Variants in LAMP5 observed in about 807,000 individuals in gnomAD.
LAMP5 encodes lysosome associated membrane protein 5.
Under a neutral mutation model 30.2 loss-of-function variants are expected in LAMP5, and 36 were observed. The ratio of observed to expected loss-of-function variants is 1.19; its 90% CI spans 0.91 to 1.57. The LOEUF is 1.57. LAMP5 is among the 40% of genes most tolerant of loss of function. The pLI is 0.00. For missense variants in LAMP5, 377 were observed against 354.9 expected, an observed-to-expected ratio of 1.06 and a Z score of -0.50; for synonymous variants, 149 against 134.6, an observed-to-expected ratio of 1.11 and a Z score of -0.74.
chr20:9,518,512 CCTT>C (rs1199895221), intron 5 of LAMP5, among the ~76,000 whole-genome samples: 5 of 152,196 alleles, frequency 3.3e-5, no homozygotes, highest in African/African-American at 1.2e-4. Context: ...CTTTTCTTTA[CCTT>C]CTTCCCTCCC....
chr20:9,516,962 C>T (rs1292715180), intron 4 of LAMP5, among the ~76,000 whole-genome samples: 1 of 152,144 alleles, frequency 6.6e-6, no homozygotes, highest in Non-Finnish European at 1.5e-5. Context: ...CGTTCATCCC[C>T]CAAATAACAA....
chr20:9,520,242 G>A (rs559785020), intron 5 of LAMP5, among the ~76,000 whole-genome samples: 1 of 152,212 alleles, frequency 6.6e-6, no homozygotes, highest in African/African-American at 2.4e-5. Flanking sequence ...CCAGGCTTAC[G>A]CCTTGACATT....
chr20:9,524,183 C>A (rs1052179597), intron 5 of LAMP5, among the ~76,000 whole-genome samples: 38 of 152,244 alleles, frequency 2.5e-4, no homozygotes, highest in Middle Eastern at 3.4e-3. Flanking sequence ...ATCTGAAATT[C>A]TTTTAAAAAT....
At chr20:9,522,757 C>A (rs944314743) in intron 5 of LAMP5, among the ~76,000 whole-genome samples, 2 of 152,104 alleles carry the variant, frequency 1.3e-5, no homozygotes, top group African/African-American at 4.8e-5. Flanking sequence ...TAGTCAAAAC[C>A]TGTTGGGATA....
chr20:9,519,323 A>G (rs1375303788), intron 5 of LAMP5, among the ~76,000 whole-genome samples: 1 of 152,172 alleles, frequency 6.6e-6, no homozygotes, highest in African/African-American at 2.4e-5. Context: ...GAGAATCTCC[A>G]CCTTTGTCAT....
chr20:9,527,994 A>T (rs1220986779), intron 5 of LAMP5, among the ~76,000 whole-genome samples: 2 of 152,214 alleles, frequency 1.3e-5, no homozygotes, highest in Non-Finnish European at 2.9e-5. Context: ...CATATATTAC[A>T]TGCACCCTTA....
At chr20:9,526,212 G>A (rs893643622) in intron 5 of LAMP5, among the ~76,000 whole-genome samples, 1 of 152,122 alleles carries the variant, frequency 6.6e-6, no homozygotes, top group Non-Finnish European at 1.5e-5. Flanking sequence ...GTTTAACACA[G>A]ACTTAGCCTT....
At chr20:9,522,859 GA>G (rs1184621451) in intron 5 of LAMP5, among the ~76,000 whole-genome samples, 2 of 151,768 alleles carry the variant, frequency 1.3e-5, no homozygotes, top group African/African-American at 4.8e-5. Context: ...CTGCCACACT[GA>G]AACTTTCAGT....
chr20:9,529,363 ACT>A (rs1410895209), intron 5 of LAMP5, among the ~76,000 whole-genome samples: 1 of 152,204 alleles, frequency 6.6e-6, no homozygotes, highest in Non-Finnish European at 1.5e-5. Context: ...TAATGGTGAA[ACT>A]CTGAACATTT....
At chr20:9,528,345 A>G (rs1170667588) in intron 5 of LAMP5, among the ~76,000 whole-genome samples, 3 of 151,302 alleles carry the variant, frequency 2.0e-5, no homozygotes, top group African/African-American at 7.3e-5. Flanking sequence ...TGTGTTGGGG[A>G]GAGTGGACTA....
chr20:9,517,963 A>G, intron 4 of LAMP5, 77 bp from the exon 5 acceptor site: 2 of 1,322,678 alleles, frequency 1.5e-6, no homozygotes, highest in Non-Finnish European at 2.1e-6. Context: ...TGGAACTGAG[A>G]GGCAATAGCC....
chr20:9,515,790 C>T (rs1227865548), intron 2 of LAMP5, among the ~76,000 whole-genome samples, 165 bp downstream of exon 2: 1 of 152,220 alleles, frequency 6.6e-6, no homozygotes, highest in Non-Finnish European at 1.5e-5. Context: ...GCCTTCTGTT[C>T]CCCTGCCTGC....
chr20:9,514,949 C>A, intron 1 of LAMP5, 33 bp downstream of exon 1: 1 of 1,594,120 alleles, frequency 6.3e-7, no homozygotes, highest in Non-Finnish European at 8.6e-7. Flanking sequence ...GGAGAGAGGA[C>A]GGGCACTCTT....
In LAMP5 at chr20:9,514,870, A is replaced by T; in HGVS notation, c.18A>T (p.Arg6Ser). The change falls in exon 1 of 6, where the codon AGA (arginine) becomes AGT (serine). Residue 6 changes from arginine (R) to serine (S), a missense_variant. By Grantham distance (110) the Arg-to-Ser change is moderately radical. Coordinates refer to ENST00000246070, the MANE Select transcript of LAMP5 (RefSeq NM_012261.4). The stretch of plus-strand genomic sequence containing the variant: ...CTGCGAGTATGGATCTCCAAGGAAG[A>T]GGGGTCCCCAGCATCGACAGACTTC... MDLQG[R>S]GVPSIDRLRV... 1 of 1,614,164 alleles carries T rather than the reference A, an allele frequency of 6.2e-7. No individual in the cohort carries two copies. The highest frequency in any genetic ancestry group is 8.5e-7 in the Non-Finnish European group (1 of 1,180,006).
intron 5 of LAMP5, among the ~76,000 whole-genome samples, chr20:9,520,494 G>A (rs982454428): frequency 6.6e-6 from 1 of 152,160 alleles, no homozygotes; most frequent in Non-Finnish European, 1.5e-5. Context: ...TTCGGTGTGT[G>A]CATGTGAGTG....
chr20:9,526,886 A>ATATATG (rs2045117710), intron 5 of LAMP5, among the ~76,000 whole-genome samples: 1 of 140,530 alleles, frequency 7.1e-6, no homozygotes, highest in Non-Finnish European at 1.6e-5. Flanking sequence ...ATATATATAT[A>ATATATG]TATATATATA....
chr20:9,526,897 T>TAC (rs1163307201), intron 5 of LAMP5, among the ~76,000 whole-genome samples: 1 of 126,362 alleles, frequency 7.9e-6, no homozygotes, highest in African/African-American at 3.2e-5. Context: ...TATATATATA[T>TAC]ATATACACAC....
chr20:9,527,781 GT>G (rs2045124002), intron 5 of LAMP5, among the ~76,000 whole-genome samples: 1 of 152,166 alleles, frequency 6.6e-6, no homozygotes, highest in Non-Finnish European at 1.5e-5. Flanking sequence ...CCCAAGAATA[GT>G]TTTTTGTTGA....
intron 5 of LAMP5, among the ~76,000 whole-genome samples, chr20:9,520,628 C>A (rs2045073784): frequency 6.6e-6 from 1 of 151,276 alleles, no homozygotes; most frequent in Admixed American, 6.6e-5. Context: ...TGTGTTTGGA[C>A]CGTGGCCATT....
Sources: gnomAD v4.1 joint callset for allele counts (sites outside exome capture counted in the v4.1 genomes callset) on GRCh38, gnomAD v4.1.1 for gene constraint, MANE v1.5 for transcripts, NCBI Gene and HGNC (gene_info 2026-07-23, HGNC 2026-07-21) for gene names.